Variants in HHAT observed in about 807,000 individuals in gnomAD.
The protein encoded by HHAT is protein-cysteine N-palmitoyltransferase HHAT.
A neutral mutation model predicts 70.8 loss-of-function variants in HHAT; 47 were observed. The observed-to-expected ratio is 0.66, with a 90% CI of 0.53 to 0.85. The LOEUF (loss-of-function observed/expected upper bound fraction) is 0.85. Among genes scored for constraint, HHAT ranks in the 40% least tolerant of loss-of-function variants. The pLI, the probability that HHAT is intolerant of heterozygous loss-of-function variation, is 0.00. For missense variants in HHAT, 609 were observed against 604.8 expected (o/e 1.01, Z -0.07); for synonymous variants, 228 against 247.6 (o/e 0.92, Z 0.74).
At chr1:210,556,477 C>CTG (rs1029638812) in intron 9 of HHAT, among the ~76,000 whole-genome samples, 2 of 152,222 alleles carry the variant, frequency 1.3e-5, no homozygotes, top group Non-Finnish European at 2.9e-5. Context: ...CTGCTGCTCA[C>CTG]CTGAACCCCA....
chr1:210,601,647 A>G (rs1573636706), intron 10 of HHAT, among the ~76,000 whole-genome samples: 1 of 152,114 alleles, frequency 6.6e-6, no homozygotes, highest in Non-Finnish European at 1.5e-5. Flanking sequence ...TCTAAACTGA[A>G]TAAGACATGA....
chr1:210,551,275 C>G (rs544820426), intron 9 of HHAT, among the ~76,000 whole-genome samples: 1 of 148,588 alleles, frequency 6.7e-6, no homozygotes, highest in South Asian at 2.2e-4. Context: ...GATGTCCCAG[C>G]GGCGAGCAAA....
chr1:210,597,807 C>T (rs761804499), intron 10 of HHAT, among the ~76,000 whole-genome samples: 101 of 152,066 alleles, frequency 6.6e-4, no homozygotes, highest in African/African-American at 1.3e-3. Context: ...ATAGCCTACT[C>T]GGTGCTCTAC....
At chr1:210,623,988 A>G (rs1669376117) in intron 11 of HHAT, among the ~76,000 whole-genome samples, 1 of 151,968 alleles carries the variant, frequency 6.6e-6, no homozygotes, top group Non-Finnish European at 1.5e-5. Flanking sequence ...AATCTTTCCT[A>G]CTGCTGTGGT....
intron 7 of HHAT, among the ~76,000 whole-genome samples, chr1:210,436,519 G>C (rs1256371182): frequency 2.0e-5 from 3 of 151,650 alleles, no homozygotes; most frequent in East Asian, 3.8e-4. Context: ...TTGGTATTTT[G>C]ATGGGGATAG....
chr1:210,374,127 T>C (rs978622784), intron 3 of HHAT: 3 of 152,234 alleles, frequency 2.0e-5, no homozygotes, highest in Admixed American at 6.5e-5. Context: ...TGTTTTCCTC[T>C]TTAAGTCTTT....
chr1:210,618,030 G>A (rs1168681983), intron 10 of HHAT, among the ~76,000 whole-genome samples: 1 of 152,216 alleles, frequency 6.6e-6, no homozygotes, highest in Non-Finnish European at 1.5e-5. Context: ...CTTGGATGCT[G>A]TGTAGTTGAG....
chr1:210,545,304 G>A (rs542153138), intron 9 of HHAT, among the ~76,000 whole-genome samples: 1 of 152,144 alleles, frequency 6.6e-6, no homozygotes, highest in South Asian at 2.1e-4. Flanking sequence ...TGGTCCCTTG[G>A]ATGCCCATTT....
intron 9 of HHAT, among the ~76,000 whole-genome samples, chr1:210,565,343 A>C (rs17016485): frequency 0.059 from 8,999 of 152,250 alleles, 844 homozygotes; most frequent in African/African-American, 0.2. Flanking sequence ...AGGCATCCTC[A>C]GTATTAGGTT....
rs1263524552 is a variant in HHAT at position 210,676,286 on chromosome 1, G to C, written c.*1907G>C. On this transcript the variant is annotated 3_prime_UTR_variant, in exon 12 of 12. Coordinates refer to ENST00000261458, the MANE Select transcript of HHAT (RefSeq NM_018194.6). ...TCAGGAATTAATAAATGATTACTGT[G>C]TTTAGCTCTGTATTTGAGGCTGATT... 1 of 152,194 alleles carries C rather than the reference G, an allele frequency of 6.6e-6. No homozygotes were observed. Among genetic ancestry groups the C allele is most frequent in the Non-Finnish European group, 1.5e-5 (1 of 68,030 alleles). 9.4% of individuals were successfully genotyped at this position (152,194 alleles called of 1,614,324 possible).
At chr1:210,593,918 A>T (rs772912320) in intron 10 of HHAT, among the ~76,000 whole-genome samples, 1 of 152,128 alleles carries the variant, frequency 6.6e-6, no homozygotes, top group African/African-American at 2.4e-5. Context: ...TATAATGATG[A>T]TATGTAGCTT....
intron 10 of HHAT, among the ~76,000 whole-genome samples, chr1:210,620,500 C>G (rs1668616857): frequency 1.3e-5 from 2 of 152,182 alleles, no homozygotes; most frequent in Admixed American, 6.5e-5. Flanking sequence ...GCCCATCATT[C>G]TTTTTCCCCA....
At chr1:210,497,830 A>G (rs1288225834) in intron 8 of HHAT, among the ~76,000 whole-genome samples, 2 of 151,242 alleles carry the variant, frequency 1.3e-5, no homozygotes, top group African/African-American at 4.9e-5. Context: ...CAGTGGCGCA[A>G]TCTTGACTCA....
At chr1:210,376,406 G>C (rs1429363523) in intron 3 of HHAT, among the ~76,000 whole-genome samples, 1 of 152,178 alleles carries the variant, frequency 6.6e-6, no homozygotes, top group Non-Finnish European at 1.5e-5. Flanking sequence ...GCTGTCGTTA[G>C]TGGAGGGATA....
At chr1:210,367,814 G>A (rs1419810624) in intron 3 of HHAT, among the ~76,000 whole-genome samples, 4 of 152,070 alleles carry the variant, frequency 2.6e-5, no homozygotes, top group East Asian at 1.9e-4. Flanking sequence ...GCGTAGGTGC[G>A]GCTGTCAAGG....
intron 8 of HHAT, among the ~76,000 whole-genome samples, chr1:210,500,466 C>G (rs2094731579): frequency 6.6e-6 from 1 of 152,154 alleles, no homozygotes; most frequent in African/African-American, 2.4e-5. Context: ...AGAAGCCTAA[C>G]CTAATTTCTT....
intron 8 of HHAT, among the ~76,000 whole-genome samples, chr1:210,511,559 G>A (rs983855883): frequency 1.8e-4 from 27 of 152,202 alleles, no homozygotes; most frequent in African/African-American, 5.5e-4. Context: ...GGAAGCTAGG[G>A]ACAGGCAGGG....
At chr1:210,465,034 A>G in intron 8 of HHAT, among the ~76,000 whole-genome samples, 1 of 152,184 alleles carries the variant, frequency 6.6e-6, no homozygotes, top group East Asian at 1.9e-4. Flanking sequence ...TAGACTCAGG[A>G]TAGGAGGTTA....
chr1:210,544,775 A>G (rs1405472771), intron 9 of HHAT, among the ~76,000 whole-genome samples: 1 of 152,158 alleles, frequency 6.6e-6, no homozygotes, highest in Non-Finnish European at 1.5e-5. Context: ...CATTCAAAAC[A>G]TGCATGATCT....
Sources: gnomAD v4.1 joint callset for allele counts (sites outside exome capture counted in the v4.1 genomes callset) on GRCh38, gnomAD v4.1.1 for gene constraint, MANE v1.5 for transcripts, NCBI Gene and HGNC (gene_info 2026-07-23, HGNC 2026-07-21) for gene names.